The following PLEKHA6 variants were observed in gnomAD, a reference collection of about 807,000 sequenced individuals.
The protein encoded by PLEKHA6 is pleckstrin homology domain-containing family A member 6.
PLEKHA6 carries 60 observed loss-of-function variants against 116.7 expected under a neutral mutation model. The observed-to-expected ratio is 0.51, with a 90% CI of 0.42 to 0.64. The LOEUF is 0.64. PLEKHA6 is among the 30% of genes least tolerant of loss of function. PLEKHA6 has a pLI of 0.00. For missense variants in PLEKHA6, 1,338 were observed against 1,422.7 expected, an observed-to-expected ratio of 0.94 and a Z score of 0.96; for synonymous variants, 489 against 556.1, an observed-to-expected ratio of 0.88 and a Z score of 1.70.
chr1:204,285,954 C>T (rs964388993), intron 1 of PLEKHA6, among the ~76,000 whole-genome samples: 3 of 151,938 alleles, frequency 2.0e-5, no homozygotes, highest in Non-Finnish European at 4.4e-5. Flanking sequence ...GGGAGGTCTT[C>T]TGTGGGGCCA....
chr1:204,318,269 G>A (rs1278735410), intron 1 of PLEKHA6, among the ~76,000 whole-genome samples: 1 of 152,162 alleles, frequency 6.6e-6, no homozygotes, highest in Admixed American at 6.5e-5. Flanking sequence ...TAGAGGATCC[G>A]AGAGCACAGG....
At chr1:204,244,842 T>C (rs900426413) in intron 15 of PLEKHA6, 22 bp downstream of exon 15, 2 of 1,544,156 alleles carry the variant, frequency 1.3e-6, no homozygotes, top group Non-Finnish European at 1.8e-6. Flanking sequence ...CCACCTACCT[T>C]CTACTCCATT....
chr1:204,249,350 G>A lies in PLEKHA6; in HGVS notation c.1594-86C>T, dbSNP rs190237162. The A allele has an allele frequency of 1.7e-3, 1,687 of 991,958 alleles. 5 individuals are homozygous for A. Among genetic ancestry groups the A allele is most frequent in the Admixed American group, 3.0e-3 (169 of 56,734 alleles). 61.4% of individuals were successfully genotyped at this position (991,958 alleles called of 1,614,324 possible). On this transcript the variant is annotated intron_variant, in intron 10 of 22. Coordinates refer to ENST00000272203, the MANE Select transcript of PLEKHA6 (RefSeq NM_014935.5). ...ATGGGGACCTGGGAGTTATAGGCCT[G>A]GCCTCTGGATACCCCCCTCCTTTCT...
chr1:204,321,805 T>G (rs527951277), intron 1 of PLEKHA6, among the ~76,000 whole-genome samples: 10 of 148,086 alleles, frequency 6.8e-5, no homozygotes, highest in Non-Finnish European at 1.3e-4. Context: ...GTCTGCTGTG[T>G]GTCTGCCAGA....
intron 9 of PLEKHA6, among the ~76,000 whole-genome samples, chr1:204,254,819 ACTT>A (rs1665061088): frequency 6.6e-6 from 1 of 152,146 alleles, no homozygotes; most frequent in Non-Finnish European, 1.5e-5. Context: ...AGTGTTGTGT[ACTT>A]CTAGGTCGTG....
intron 8 of PLEKHA6, among the ~76,000 whole-genome samples, chr1:204,258,781 G>GT (rs1162888326): frequency 2.0e-5 from 3 of 152,234 alleles, no homozygotes; most frequent in Admixed American, 6.5e-5. Flanking sequence ...ACTTTGTTTT[G>GT]TTTTTTAACT....
intron 1 of PLEKHA6, among the ~76,000 whole-genome samples, chr1:204,322,581 TC>T (rs1189869434): frequency 6.6e-6 from 1 of 151,988 alleles, no homozygotes; most frequent in Non-Finnish European, 1.5e-5. Flanking sequence ...TCTCAGGCAG[TC>T]CCAGGCCCCC....
In PLEKHA6 at chr1:204,257,483, T is replaced by C; in HGVS notation, c.1394A>G (p.Tyr465Cys). Residue 465 changes from tyrosine (Y) to cysteine (C), a missense_variant, in exon 9 of 23, where the codon TAC becomes TGC. By Grantham distance (194) the Tyr-to-Cys change is radical. Coordinates refer to ENST00000272203, the MANE Select transcript of PLEKHA6 (RefSeq NM_014935.5). The surrounding 1 kb of genome is among the most constrained non-coding windows in gnomAD (Gnocchi z 6.5). ...SVPRSPSQGS[Y>C]SRARIYSPVR... is the part of the protein sequence containing the mutation. ...AGGGGAGTAAATGCGGGCACGGCTG[T>C]AGGAGCCCTGGCTGGGTGAGCGGGG... The C allele has an allele frequency of 6.3e-7, 1 of 1,580,240 alleles. No individual in the cohort carries two copies. The highest frequency in any genetic ancestry group is 8.6e-7 in the Non-Finnish European group (1 of 1,161,594).
chr1:204,310,844 A>T (rs892805602), intron 1 of PLEKHA6, among the ~76,000 whole-genome samples: 1 of 152,252 alleles, frequency 6.6e-6, no homozygotes, highest in African/African-American at 2.4e-5. Context: ...AGAAAAAATC[A>T]TAGTAAAGGA....
In PLEKHA6 at chr1:204,370,470, C is replaced by T. The variant is rs192188005; in HGVS notation, c.160+1060G>A. On this transcript the variant is annotated intron_variant, in intron 2 of 4. Coordinates refer to the PLEKHA6 transcript ENST00000564627. ...TGACCCACACCCCCTCTTACTGGCC[C>T]GTGGTGGCGTCATGAGGAGGATGAA... is the stretch of plus-strand genomic sequence containing the variant. 3.9e-4 allele frequency among the ~76,000 whole-genome samples: 59 copies of T among 152,336 alleles called. 1 individual carries two copies. In the East Asian group the frequency reaches 0.01, roughly 26 times the overall value.
Position 204,273,718 on chromosome 1 carries a change from T to G in PLEKHA6, c.10A>C (p.Lys4Gln). The G allele has an allele frequency of 6.2e-7, 1 of 1,613,450 alleles. No individual in the cohort carries two copies. Among genetic ancestry groups the G allele is most frequent in the Non-Finnish European group, 8.5e-7 (1 of 1,179,388 alleles). ...GTAGCCGGGCGTTTCCCACCTGTTT[T>G]ATTGGACATGTCCAAGGTCGATCTG... Reference protein sequence around the residue: MSNKTGGKRPATTN... With the variant: MSNQTGGKRPATTN... The change falls in exon 3 of 23, where the codon AAA becomes CAA. Residue 4 changes from lysine to glutamine, a missense_variant. By Grantham distance (53) the Lys-to-Gln change is moderately conservative. Coordinates refer to ENST00000272203, the MANE Select transcript of PLEKHA6 (RefSeq NM_014935.5).
intron 14 of PLEKHA6, among the ~76,000 whole-genome samples, chr1:204,245,234 T>C (rs975945584): frequency 1.3e-5 from 2 of 152,100 alleles, no homozygotes; most frequent in African/African-American, 4.8e-5. Context: ...ATGGAACTGA[T>C]ACTGTTGTCC....
rs1277607713 is a variant in PLEKHA6, at chr1:204,248,890, C to T, written c.1755G>A (p.Leu585=). ...FGSQPAYPEK[L]RHKKDSLQNQ... ...TCTGCAGTGAATCCTTTTTGTGTCG[C>T]AGCTTTTCTGGGTAGGCGGGCTGGC... is the stretch of plus-strand genomic sequence containing the variant. The change falls in exon 12 of 23, where the codon CTG becomes CTA. Residue 585 remains leucine, a synonymous_variant. Coordinates refer to ENST00000272203, the MANE Select transcript of PLEKHA6 (RefSeq NM_014935.5). 6 of 1,614,058 alleles carry T rather than the reference C, an allele frequency of 3.7e-6. No individual in the cohort carries two copies. In the African/African-American group the frequency reaches 8.0e-5, roughly 22 times the overall value.
At chr1:204,295,561 A>G (rs1403120453) in intron 1 of PLEKHA6, among the ~76,000 whole-genome samples, 5 of 152,066 alleles carry the variant, frequency 3.3e-5, no homozygotes, top group African/African-American at 7.2e-5. Context: ...TAAGGTGTGT[A>G]GCAAGTCCTT....
intron 1 of PLEKHA6, among the ~76,000 whole-genome samples, chr1:204,374,226 G>T (rs1313391620): frequency 6.6e-6 from 1 of 152,166 alleles, no homozygotes; most frequent in Non-Finnish European, 1.5e-5. Context: ...CCGGGCTGAT[G>T]GGGGAACTGG....
intron 1 of PLEKHA6, among the ~76,000 whole-genome samples, chr1:204,295,333 T>C (rs912998628): frequency 6.6e-6 from 1 of 151,890 alleles, no homozygotes; most frequent in African/African-American, 2.4e-5. Context: ...CTACTAAAAA[T>C]ACAAAAAGTA....
intron 13 of PLEKHA6, among the ~76,000 whole-genome samples, chr1:204,246,810 C>T (rs1414378889): frequency 1.3e-5 from 2 of 152,242 alleles, no homozygotes; most frequent in African/African-American, 4.8e-5. Flanking sequence ...GCCTACTCTT[C>T]TAATGCCTGA....
chr1:204,288,891 T>C (rs4951059), intron 1 of PLEKHA6, among the ~76,000 whole-genome samples: 132,651 of 152,242 alleles, frequency 0.87, 59,563 homozygotes, highest in Non-Finnish European at 0.97. Context: ...ACCACAGTTA[T>C]TGTTTATAGT....
At chr1:204,366,597 C>A (rs994067328) in intron 3 of PLEKHA6, among the ~76,000 whole-genome samples, 4 of 151,722 alleles carry the variant, frequency 2.6e-5, no homozygotes, top group Non-Finnish European at 5.9e-5. Flanking sequence ...CCCATCTTGA[C>A]CAAAAATACA....
Sources: gnomAD v4.1 joint callset for allele counts (sites outside exome capture counted in the v4.1 genomes callset) on GRCh38, gnomAD v4.1.1 for gene constraint, Gnocchi (gnomAD v3.1) non-coding constraint, MANE v1.5 for transcripts, NCBI Gene and HGNC (gene_info 2026-07-23, HGNC 2026-07-21) for gene names.